The following STX19 variants were observed in gnomAD, a reference collection of about 807,000 sequenced individuals.
STX19 encodes syntaxin 19.
A neutral mutation model predicts 24.3 loss-of-function variants in STX19; 26 were observed. That is an observed-to-expected ratio of 1.07 (90% CI 0.78 to 1.48). The LOEUF (loss-of-function observed/expected upper bound fraction) is 1.48. Ranked by LOEUF, STX19 falls within the 40% of genes most tolerant of loss-of-function variation. The pLI, the probability that STX19 is intolerant of heterozygous loss-of-function variation, is 0.00. For synonymous variants in STX19, 116 were observed against 106.9 expected, an observed-to-expected ratio of 1.09 and a Z score of -0.52; for missense variants, 367 against 331.9, an observed-to-expected ratio of 1.11 and a Z score of -0.82.
At position 94,014,503 on chromosome 3, in the gene STX19, C is replaced by T. The variant is rs1191151136; in HGVS notation, c.767G>A (p.Ser256Asn). 1.2e-6 allele frequency: 2 copies of T among 1,611,652 alleles called. No individual in the cohort carries two copies. The highest frequency in any genetic ancestry group is 2.2e-5 in the South Asian group (2 of 90,440). ...AGTATTGTTAACATACTCTTTTGTA[C>T]TATTCACTGTCATTTCAATATTGTT... Reference protein sequence around the residue: ...SINNIEMTVNSTKEYVNNTKE... With the variant: ...SINNIEMTVNNTKEYVNNTKE... The change falls in exon 2 of 2, where the codon AGT (serine) becomes AAT (asparagine). Residue 256 changes from serine (S) to asparagine (N), a missense_variant. Physicochemically the swap from Ser to Asn is conservative, Grantham distance 46. Transcript: ENST00000315099.
At chr3:94,015,969 G>A (rs910406011) in intron 1 of STX19, among the ~76,000 whole-genome samples, 4 of 151,986 alleles carry the variant, frequency 2.6e-5, no homozygotes, top group Non-Finnish European at 5.9e-5. Context: ...ATATCAATTT[G>A]TGTTAGGTGA....
chr3:94,022,313 A>G (rs1025028107), intron 1 of STX19, among the ~76,000 whole-genome samples: 6 of 151,880 alleles, frequency 4.0e-5, no homozygotes, highest in Non-Finnish European at 8.8e-5. Context: ...TTTAATAGAG[A>G]TGGGGTTTTA....
chr3:94,022,940 A>G (rs1455968756), intron 1 of STX19, among the ~76,000 whole-genome samples: 2 of 151,938 alleles, frequency 1.3e-5, no homozygotes, highest in African/African-American at 2.4e-5. Context: ...TCCTCTTGAC[A>G]TATTTAAATA....
At chr3:94,026,059 G>A (rs1241437075) in intron 1 of STX19, among the ~76,000 whole-genome samples, 4 of 142,972 alleles carry the variant, frequency 2.8e-5, no homozygotes, top group East Asian at 2.0e-4. Context: ...TCTCTCTGTC[G>A]CCCAGGCTGG....
intron 1 of STX19, among the ~76,000 whole-genome samples, chr3:94,021,344 A>T (rs1575995598): frequency 6.6e-6 from 1 of 151,992 alleles, no homozygotes; most frequent in East Asian, 1.9e-4. Context: ...ACAGGTGCCC[A>T]TCACCATGCC....
chr3:94,021,980 C>T (rs1324552926), intron 1 of STX19, among the ~76,000 whole-genome samples: 2 of 152,066 alleles, frequency 1.3e-5, no homozygotes, highest in East Asian at 1.9e-4. Flanking sequence ...CCTTACCTGC[C>T]GTACCACATC....
At chr3:94,022,275 G>A (rs1575997777) in intron 1 of STX19, among the ~76,000 whole-genome samples, 1 of 152,098 alleles carries the variant, frequency 6.6e-6, no homozygotes, top group East Asian at 1.9e-4. Flanking sequence ...ACAGGCGCCT[G>A]CCACCACGCA....
intron 1 of STX19, among the ~76,000 whole-genome samples, chr3:94,025,657 T>C (rs2076541775): frequency 6.6e-6 from 1 of 152,164 alleles, no homozygotes. Flanking sequence ...TATGGATACA[T>C]TGAGGCTATT....
In STX19 at chr3:94,014,472, CTCT is replaced by C. The variant is rs2076285190; in HGVS notation, c.795_797del (p.Glu266del). ...TGTATTTTACAGCTAGTCCAAATTT[CTCT>C]TTAGTATTGTTAACATACTCTTTTG... is the stretch of plus-strand genomic sequence containing the variant. On this transcript the variant is annotated inframe_deletion, in exon 2 of 2. Coordinates refer to ENST00000315099, the MANE Select transcript of STX19 (RefSeq NM_001001850.3). The C allele has an allele frequency of 1.2e-6, 2 of 1,606,216 alleles. No homozygotes were observed. The highest frequency in any genetic ancestry group is 1.7e-5 in the Admixed American group (1 of 58,120).
rs1180620936 is a variant in STX19, at chr3:94,026,514, CATAACT to C, written c.-14+1847_-14+1852del. Among the ~76,000 whole-genome samples, 6 of 152,216 alleles carry C rather than the reference CATAACT, an allele frequency of 3.9e-5. 1 individual carries two copies. The East Asian group carries it at 5.8e-4, about 15-fold the overall frequency. ...TTACATTTTCTAGTAGTTGCATACT[CATAACT>C]ATATGTATAACTATCCAATTTATTG... On this transcript the variant is annotated intron_variant, in intron 1 of 1. Transcript: ENST00000315099.
rs555046723 is a variant in STX19 at position 94,022,033 on chromosome 3, G to C, written c.-14+6334C>G. Among the ~76,000 whole-genome samples the C allele has an allele frequency of 3.3e-5, 5 of 152,218 alleles. No homozygotes were observed. In the East Asian group the frequency reaches 9.7e-4, roughly 29 times the overall value. ...TTCCTTAAAGACAGTCATAAAGGCA[G>C]TCATTTTCAGCTCCTTAGCTATATG... On this transcript the variant is annotated intron_variant, in intron 1 of 1. Coordinates refer to ENST00000315099, the MANE Select transcript of STX19 (RefSeq NM_001001850.3).
At chr3:94,027,793 T>C (rs1234688288) in intron 1 of STX19, among the ~76,000 whole-genome samples, 1 of 152,126 alleles carries the variant, frequency 6.6e-6, no homozygotes, top group Non-Finnish European at 1.5e-5. Flanking sequence ...TTTAATGTAC[T>C]AGTTGAAATA....
chr3:94,020,953 G>C (rs972950546), intron 1 of STX19, among the ~76,000 whole-genome samples: 27 of 151,924 alleles, frequency 1.8e-4, no homozygotes, highest in African/African-American at 6.5e-4. Context: ...TATTTTTATT[G>C]TCTATATTCT....
chr3:94,019,437 C>T (rs548902161), intron 1 of STX19, among the ~76,000 whole-genome samples: 85 of 152,162 alleles, frequency 5.6e-4, no homozygotes, highest in Non-Finnish European at 9.6e-4. Context: ...CCTCATGATC[C>T]GCCCATCTTG....
chr3:94,020,503 A>T lies in STX19; in HGVS notation c.-13-5221T>A, dbSNP rs184890166. Among the ~76,000 whole-genome samples, 4 of 152,310 alleles carry T rather than the reference A, an allele frequency of 2.6e-5. 1 individual carries two copies. The highest frequency in any genetic ancestry group is 5.9e-5 in the Non-Finnish European group (4 of 68,022). Reference sequence around the variant, plus strand: ...TGACATAGCATAGCTTTACTATGCTATGAAGGTTTTTCAGTGGTGTTAGAT... The same window carrying T: ...TGACATAGCATAGCTTTACTATGCTTTGAAGGTTTTTCAGTGGTGTTAGAT... On this transcript the variant is annotated intron_variant, in intron 1 of 1. Transcript: ENST00000315099.
intron 1 of STX19, among the ~76,000 whole-genome samples, chr3:94,024,662 T>C (rs921068064): frequency 1.3e-5 from 2 of 152,202 alleles, no homozygotes; most frequent in Non-Finnish European, 2.9e-5. Context: ...TGCGGCTCAC[T>C]GCAGCCTCTA....
chr3:94,021,154 TTG>T (rs1167260273), intron 1 of STX19, among the ~76,000 whole-genome samples: 1 of 150,436 alleles, frequency 6.6e-6, no homozygotes, highest in Non-Finnish European at 1.5e-5. Flanking sequence ...TGTTAAAAAG[TTG>T]TTTTTGTCTT....
chr3:94,022,499 A>G (rs1204983375), intron 1 of STX19, among the ~76,000 whole-genome samples: 1 of 151,760 alleles, frequency 6.6e-6, no homozygotes, highest in Non-Finnish European at 1.5e-5. Flanking sequence ...TCACACCCCC[A>G]TTCTTCCCTC....
At position 94,014,881 on chromosome 3, in the gene STX19, G is replaced by A. The variant is rs747846832; in HGVS notation, c.389C>T (p.Thr130Ile). The A allele has an allele frequency of 6.2e-7, 1 of 1,613,926 alleles. No individual in the cohort carries two copies. Among genetic ancestry groups the A allele is most frequent in the Admixed American group, 1.7e-5 (1 of 60,002 alleles). The change falls in exon 2 of 2, where the codon ACA (threonine) becomes ATA (isoleucine). Residue 130 changes from threonine to isoleucine, a missense_variant. Transcript: ENST00000315099. ...AGCATGCTGAGATTTAAGTATCCTT[G>A]TGACCACTGAAGATGGACCATTTTC... ...EVENGPSSVVTRILKSQHAAM... is the reference protein window; with the variant it reads ...EVENGPSSVVIRILKSQHAAM...
Sources: gnomAD v4.1 joint callset for allele counts (sites outside exome capture counted in the v4.1 genomes callset) on GRCh38, gnomAD v4.1.1 for gene constraint, MANE v1.5 for transcripts, NCBI Gene and HGNC (gene_info 2026-07-23, HGNC 2026-07-21) for gene names.